Variants in TRNT1 observed in about 807,000 individuals in gnomAD.
The protein encoded by TRNT1 is tRNA nucleotidyl transferase 1.
A neutral mutation model predicts 45.6 loss-of-function variants in TRNT1; 44 were observed. That is an observed-to-expected ratio of 0.97 (90% CI 0.76 to 1.24). The LOEUF (loss-of-function observed/expected upper bound fraction) is 1.24, where lower values mean the gene tolerates loss of function less well. Among genes scored for constraint, TRNT1 ranks in the 50% most tolerant of loss-of-function variants. The probability of loss-of-function intolerance (pLI) is 0.00; values close to 1 mark genes in which losing one functional copy is unlikely to be tolerated. For synonymous variants in TRNT1, 201 were observed against 171.4 expected, an observed-to-expected ratio of 1.17 and a Z score of -1.35; for missense variants, 633 against 504.4, an observed-to-expected ratio of 1.25 and a Z score of -2.44.
rs189839211 is a variant in TRNT1, at chr3:3,140,964, C to T, written c.481+316C>T. Among the ~76,000 whole-genome samples, 135 of 152,244 alleles carry T rather than the reference C, an allele frequency of 8.9e-4. 1 individual carries two copies. The highest frequency in any genetic ancestry group is 3.1e-3 in the African/African-American group (128 of 41,560). On this transcript the variant is annotated intron_variant, in intron 4 of 7. Transcript: ENST00000251607. ...GGGCGTGGTGGCGGCTGCCTGTAGTCCCAGCTGTTAGGCAGGAGAATGGTG... is the reference window on the plus strand; with the variant it reads ...GGGCGTGGTGGCGGCTGCCTGTAGTTCCAGCTGTTAGGCAGGAGAATGGTG...
intron 2 of TRNT1, among the ~76,000 whole-genome samples, chr3:3,135,608 C>G (rs1366979449): frequency 6.6e-6 from 1 of 152,026 alleles, no homozygotes; most frequent in African/African-American, 2.4e-5. Context: ...TTAAGTACAT[C>G]ATTTTAAGGA....
In TRNT1 at chr3:3,132,714, AC is replaced by A. The variant is rs1199479882; in HGVS notation, c.148+3527del. The stretch of plus-strand genomic sequence containing the variant: ...AAAAAAATTAAAAAAATAAAAAAAA[AC>A]ATATACCTATTGAAGGAAAAAAAAA... On this transcript the variant is annotated intron_variant, in intron 2 of 7. Transcript: ENST00000251607. Among the ~76,000 whole-genome samples, 11 of 141,744 alleles carry A rather than the reference AC, an allele frequency of 7.8e-5. No individual in the cohort carries two copies. In the East Asian group the frequency reaches 8.5e-4, roughly 11 times the overall value. The allele number at this position is 141,744 out of a possible 152,430, so 93.0% of individuals were successfully genotyped here.
intron 3 of TRNT1, among the ~76,000 whole-genome samples, chr3:3,139,388 G>C (rs1175040505): frequency 6.6e-6 from 1 of 152,184 alleles, no homozygotes; most frequent in Non-Finnish European, 1.5e-5. Flanking sequence ...GTATCAAATT[G>C]AGAGAAATCC....
At chr3:3,146,051 T>C (rs554303612) in intron 5 of TRNT1, among the ~76,000 whole-genome samples, 16 of 150,794 alleles carry the variant, frequency 1.1e-4, no homozygotes, top group Admixed American at 1.0e-3. Context: ...GCAGTCTTGT[T>C]TTGGTTTGCT....
chr3:3,138,383 T>C (rs916860666), intron 3 of TRNT1, among the ~76,000 whole-genome samples: 1 of 152,244 alleles, frequency 6.6e-6, no homozygotes, highest in East Asian at 1.9e-4. Context: ...GATTTCTCTT[T>C]TGTTTAAAAA....
chr3:3,152,341 T>A, downstream of TRNT1: 1 of 1,168,994 alleles, frequency 8.6e-7, no homozygotes, highest in East Asian at 2.4e-5. Context: ...AATTACTCAT[T>A]TGTCTGTCTA....
chr3:3,133,177 C>T (rs1036996527), intron 2 of TRNT1, among the ~76,000 whole-genome samples: 1 of 152,048 alleles, frequency 6.6e-6, no homozygotes, highest in Non-Finnish European at 1.5e-5. Context: ...GTATTATTGT[C>T]ATATCATAAG....
At chr3:3,129,711 G>C (rs1348921357) in intron 2 of TRNT1, among the ~76,000 whole-genome samples, 1 of 152,246 alleles carries the variant, frequency 6.6e-6, no homozygotes, top group Non-Finnish European at 1.5e-5. Flanking sequence ...GCTGTGCTAA[G>C]TACTTGCCAT....
chr3:3,150,637 A>T, downstream of TRNT1: 1 of 468,916 alleles, frequency 2.1e-6, no homozygotes, highest in South Asian at 2.2e-5. Flanking sequence ...CAAGCTACCC[A>T]AGTAGATGTT....
chr3:3,137,045 A>T (rs1309578402), intron 2 of TRNT1, among the ~76,000 whole-genome samples: 1 of 152,166 alleles, frequency 6.6e-6, no homozygotes, highest in African/African-American at 2.4e-5. Flanking sequence ...AGAATTCTGC[A>T]AGTTCTCTGT....
chr3:3,152,486 C>A, downstream of TRNT1: 1 of 1,613,782 alleles, frequency 6.2e-7, no homozygotes, highest in Admixed American at 1.7e-5. Context: ...TGTAGAAGGC[C>A]GGCCTATCAG....
chr3:3,149,465 G>T (rs146574728), downstream of TRNT1: 1 of 151,884 alleles, frequency 6.6e-6, no homozygotes, highest in Admixed American at 6.6e-5. Context: ...GCTAGTAAAC[G>T]GTATGGGACA....
chr3:3,143,026 CAG>C (rs1411385164), intron 4 of TRNT1, among the ~76,000 whole-genome samples: 1 of 152,140 alleles, frequency 6.6e-6, no homozygotes, highest in Non-Finnish European at 1.5e-5. Flanking sequence ...TTGGGATAAT[CAG>C]AGAACATTCA....
In TRNT1 at chr3:3,147,562, T is replaced by C; in HGVS notation, c.915T>C (p.Asp305=). The change falls in exon 7 of 8, where the codon GAT becomes GAC. Residue 305 remains aspartate, a synonymous_variant. Coordinates refer to ENST00000251607, the MANE Select transcript of TRNT1 (RefSeq NM_182916.3). ...LLASLFKVQD[D]VTKLDLRLKI... is the part of the protein sequence containing the mutation. Reference sequence around the variant, plus strand: ...CCTCATTATTCAAAGTACAAGATGATGTCACAAAATTGGATTTGAGGTTGA... The same window carrying C: ...CCTCATTATTCAAAGTACAAGATGACGTCACAAAATTGGATTTGAGGTTGA... 1 of 1,613,962 alleles carries C rather than the reference T, an allele frequency of 6.2e-7. No homozygotes were observed. The highest frequency in any genetic ancestry group is 8.5e-7 in the Non-Finnish European group (1 of 1,179,894).
downstream of TRNT1, chr3:3,149,169 T>A (rs1706291792): frequency 2.0e-5 from 3 of 152,212 alleles, no homozygotes; most frequent in Non-Finnish European, 4.4e-5. Context: ...TAGAGTGTAA[T>A]ATTTCTAAGA....
At chr3:3,151,714 T>C (rs1706565552), downstream of TRNT1, among the ~76,000 whole-genome samples, 1 of 152,222 alleles carries the variant, frequency 6.6e-6, no homozygotes, top group African/African-American at 2.4e-5. Context: ...TACATAGTCC[T>C]AACCCCAGAG....
chr3:3,153,266 G>C, downstream of TRNT1: 3 of 585,502 alleles, frequency 5.1e-6, no homozygotes, highest in Non-Finnish European at 9.4e-6. Context: ...ACCCAATCTG[G>C]AAGATGGTCT....
intron 1 of TRNT1, 124 bp from the exon 2 acceptor site, chr3:3,128,890 A>T: frequency 1.3e-6 from 1 of 741,738 alleles, no homozygotes; most frequent in Non-Finnish European, 2.2e-6. Context: ...CACCGTTTTC[A>T]GTTTTTTCAT....
intron 2 of TRNT1, chr3:3,130,810 G>T (rs1704973028): frequency 6.6e-6 from 1 of 152,176 alleles, no homozygotes; most frequent in African/African-American, 2.4e-5. Flanking sequence ...GCTGGACATG[G>T]TGGCTCATAC....
Sources: allele counts gnomAD v4.1 joint callset (sites outside exome capture counted in the v4.1 genomes callset), GRCh38; gene constraint gnomAD v4.1.1; transcripts MANE v1.5; gene names NCBI Gene and HGNC (gene_info 2026-07-23, HGNC 2026-07-21).